The following ROBO1 variants were observed in gnomAD, a reference collection of about 807,000 sequenced individuals.
ROBO1 encodes roundabout homolog 1.
ROBO1 carries 149 observed loss-of-function variants against 195.9 expected under a neutral mutation model. The ratio of observed to expected loss-of-function variants is 0.76; its 90% confidence interval spans 0.67 to 0.87. The LOEUF is 0.87. Ranked by LOEUF, ROBO1 falls within the 40% of genes least tolerant of loss-of-function variation. ROBO1 has a pLI of 0.00. For synonymous variants in ROBO1, 816 were observed against 733.2 expected (o/e 1.11, Z -1.82); for missense variants, 1,933 against 2,068.3 (o/e 0.93, Z 1.27).
At chr3:78,751,295 GTAA>G (rs58730543) in intron 4 of ROBO1, among the ~76,000 whole-genome samples, 12,524 of 150,542 alleles carry the variant, frequency 0.083, 1,075 homozygotes, top group African/African-American at 0.23. Flanking sequence ...CACATAAATA[GTAA>G]TAATAATAAT....
intron 1 of ROBO1, among the ~76,000 whole-genome samples, chr3:79,743,144 T>C (rs148363975): frequency 7.9e-5 from 12 of 152,298 alleles, no homozygotes; most frequent in East Asian, 7.7e-4. Context: ...GAGAAATGCA[T>C]CCTTAGGCAA....
chr3:78,608,659 T>C (rs1446803816), intron 28 of ROBO1, among the ~76,000 whole-genome samples: 1 of 152,200 alleles, frequency 6.6e-6, no homozygotes. Context: ...CAAGAGATTA[T>C]TATAATAACT....
intron 2 of ROBO1, among the ~76,000 whole-genome samples, chr3:79,182,595 GTGGGGA>G (rs1051631851): frequency 2.0e-4 from 31 of 151,792 alleles, no homozygotes; most frequent in Admixed American, 9.8e-4. Flanking sequence ...ACGCACTGGA[GTGGGGA>G]TGGGTAGGAG....
intron 4 of ROBO1, among the ~76,000 whole-genome samples, chr3:78,754,064 G>A (rs1333527920): frequency 2.0e-5 from 3 of 152,084 alleles, no homozygotes; most frequent in Non-Finnish European, 2.9e-5. Flanking sequence ...GATTTTAACA[G>A]GTACGTTCAC....
intron 2 of ROBO1, among the ~76,000 whole-genome samples, chr3:79,305,489 A>C (rs915449458): frequency 3.4e-5 from 3 of 88,404 alleles, no homozygotes; most frequent in African/African-American, 5.5e-5. Flanking sequence ...CTCCATCTCA[A>C]AAAAAAAAAA....
intron 4 of ROBO1, among the ~76,000 whole-genome samples, chr3:78,828,359 G>T (rs162871): frequency 0.058 from 8,798 of 152,170 alleles, 318 homozygotes; most frequent in Middle Eastern, 0.11. Context: ...GGCAAAAGGT[G>T]GTCAGTGGAA....
At chr3:79,569,091 C>G (rs902876754) in intron 2 of ROBO1, among the ~76,000 whole-genome samples, 1 of 151,990 alleles carries the variant, frequency 6.6e-6, no homozygotes, top group African/African-American at 2.4e-5. Context: ...AACTTTTGTG[C>G]CTTATTAACC....
At chr3:78,788,439 T>TAA (rs1247453950) in intron 4 of ROBO1, among the ~76,000 whole-genome samples, 49 of 110,368 alleles carry the variant, frequency 4.4e-4, no homozygotes, top group Non-Finnish European at 7.0e-4. Flanking sequence ...TTTTTTTTTT[T>TAA]TAAAAAAAAA....
chr3:79,472,407 T>C (rs774792479), intron 2 of ROBO1, among the ~76,000 whole-genome samples: 1 of 152,102 alleles, frequency 6.6e-6, no homozygotes, highest in Non-Finnish European at 1.5e-5. Context: ...ATAATAAATA[T>C]GACTTTTGGT....
chr3:79,622,520 T>G (rs7428551), intron 1 of ROBO1, among the ~76,000 whole-genome samples: 132,805 of 152,246 alleles, frequency 0.87, 58,003 homozygotes, highest in African/African-American at 0.9. Context: ...TGGATGGCTT[T>G]TTCCCAAGAC....
chr3:78,684,211 T>C (rs2107813433), intron 10 of ROBO1, among the ~76,000 whole-genome samples: 1 of 152,240 alleles, frequency 6.6e-6, no homozygotes, highest in Non-Finnish European at 1.5e-5. Flanking sequence ...TGAGATGGAA[T>C]ACTACACAGC....
At chr3:79,524,864 T>A (rs943711687) in intron 2 of ROBO1, among the ~76,000 whole-genome samples, 14 of 152,104 alleles carry the variant, frequency 9.2e-5, no homozygotes, top group African/African-American at 3.4e-4. Context: ...CTTTATTATT[T>A]CTCTGGTCCT....
intron 2 of ROBO1, among the ~76,000 whole-genome samples, chr3:79,308,376 T>C (rs539172225): frequency 6.6e-6 from 1 of 152,322 alleles, no homozygotes; most frequent in African/African-American, 2.4e-5. Flanking sequence ...CATTTACTTT[T>C]GTGAAAAATG....
At chr3:78,932,530 G>A (rs72904261) in intron 4 of ROBO1, among the ~76,000 whole-genome samples, 5,904 of 152,202 alleles carry the variant, frequency 0.039, 344 homozygotes, top group African/African-American at 0.12. Flanking sequence ...TATATTGACA[G>A]CAGCTGTTTT....
rs148065082 is a variant in ROBO1, at chr3:79,236,966, C to T, written c.89-111427G>A. Among the ~76,000 whole-genome samples, 9 of 152,194 alleles carry T rather than the reference C, an allele frequency of 5.9e-5. No individual in the cohort carries two copies. In the East Asian group the frequency reaches 1.5e-3, roughly 26 times the overall value. On this transcript the variant is annotated intron_variant, in intron 2 of 30. Coordinates refer to ENST00000464233, the MANE Select transcript of ROBO1 (RefSeq NM_002941.4). The stretch of plus-strand genomic sequence containing the variant: ...CTTGACTAAAAGAAGCCAAGAGTGA[C>T]ATTCCATGGCTTAACTTGATTATTA...
At chr3:78,950,752 T>C (rs983986710) in intron 3 of ROBO1, among the ~76,000 whole-genome samples, 3 of 151,582 alleles carry the variant, frequency 2.0e-5, no homozygotes, top group Middle Eastern at 3.2e-3. Flanking sequence ...GCTTTCCCCA[T>C]GCACAGAATA....
intron 2 of ROBO1, among the ~76,000 whole-genome samples, chr3:79,384,032 C>A (rs1191883338): frequency 6.6e-6 from 1 of 151,822 alleles, no homozygotes; most frequent in African/African-American, 2.4e-5. Context: ...AACAGATGGG[C>A]TGGGTATATC....
chr3:79,474,506 A>G (rs1938445273), intron 2 of ROBO1, among the ~76,000 whole-genome samples: 1 of 152,110 alleles, frequency 6.6e-6, no homozygotes, highest in Non-Finnish European at 1.5e-5. Context: ...GGAAACATAA[A>G]TGCAAATTTC....
chr3:79,472,595 A>C (rs1253345828), intron 2 of ROBO1, among the ~76,000 whole-genome samples: 1 of 152,148 alleles, frequency 6.6e-6, no homozygotes, highest in African/African-American at 2.4e-5. Context: ...CCTTAAGCAA[A>C]GAAGGAGAGA....
Sources: allele counts gnomAD v4.1 joint callset (sites outside exome capture counted in the v4.1 genomes callset), GRCh38; gene constraint gnomAD v4.1.1; transcripts MANE v1.5; gene names NCBI Gene and HGNC (gene_info 2026-07-23, HGNC 2026-07-21).